RBFOX1: variants seen among roughly 807,000 people sequenced by gnomAD.
RBFOX1 encodes RNA binding protein fox-1 homolog 1.
A neutral mutation model predicts 57.7 loss-of-function variants in RBFOX1; 8 were observed. The ratio of observed to expected loss-of-function variants is 0.14; its 90% CI spans 0.08 to 0.25. The LOEUF is 0.25. RBFOX1 is among the 10% of genes least tolerant of loss of function. The pLI, the probability that RBFOX1 is intolerant of heterozygous loss-of-function variation, is 1.00. For missense variants in RBFOX1, 611 were observed against 548.5 expected (o/e 1.11, Z -1.14); for synonymous variants, 326 against 222.4 (o/e 1.47, Z -4.15).
intron 3 of RBFOX1, among the ~76,000 whole-genome samples, chr16:5,866,729 A>G (rs1411567450): frequency 2.0e-5 from 3 of 152,192 alleles, no homozygotes; most frequent in African/African-American, 7.2e-5. Context: ...ACAAACCCCA[A>G]TATTTTCATT....
chr16:7,182,917 A>G (rs1602121234), intron 4 of RBFOX1, among the ~76,000 whole-genome samples: 1 of 152,186 alleles, frequency 6.6e-6, no homozygotes, highest in Admixed American at 6.5e-5. Flanking sequence ...TGCCCTGGTC[A>G]TAAATTATCT....
In RBFOX1 at chr16:5,790,467, T is replaced by A. The variant is rs114926101; in HGVS notation, c.319-76836T>A. The stretch of plus-strand genomic sequence containing the variant: ...GGAGCTCAAAGGAAGAAAAAATTGC[T>A]GCAATACAACTGTTGATGAAGATGC... On this transcript the variant is annotated intron_variant, in intron 3 of 19. Transcript: ENST00000641259. Among the ~76,000 whole-genome samples the A allele has an allele frequency of 4.3e-3, 644 of 148,712 alleles. 6 individuals carry two copies. Among genetic ancestry groups the A allele is most frequent in the African/African-American group, 0.015 (591 of 39,594 alleles).
At chr16:6,283,849 A>G (rs1362156857) in intron 1 of RBFOX1, among the ~76,000 whole-genome samples, 1 of 152,196 alleles carries the variant, frequency 6.6e-6, no homozygotes, top group East Asian at 1.9e-4. Flanking sequence ...CTGCAATGGC[A>G]CTTTTAATTT....
chr16:6,293,121 G>A (rs1293418071), intron 1 of RBFOX1, among the ~76,000 whole-genome samples: 1 of 152,042 alleles, frequency 6.6e-6, no homozygotes, highest in South Asian at 2.1e-4. Flanking sequence ...TATTCACTAT[G>A]TGCTTTACAT....
At chr16:7,707,597 T>C (rs185172212) in intron 14 of RBFOX1, among the ~76,000 whole-genome samples, 12 of 152,296 alleles carry the variant, frequency 7.9e-5, no homozygotes, top group Non-Finnish European at 1.5e-4. Context: ...TGAATGTTGG[T>C]TGCTAACAGT....
chr16:6,888,943 T>G (rs2064788867), intron 3 of RBFOX1, among the ~76,000 whole-genome samples: 2 of 152,204 alleles, frequency 1.3e-5, no homozygotes, highest in Admixed American at 1.3e-4. Flanking sequence ...CTTTAATCAC[T>G]TACTTACTGT....
chr16:6,159,548 G>T (rs1054660916), intron 1 of RBFOX1, among the ~76,000 whole-genome samples: 1 of 152,198 alleles, frequency 6.6e-6, no homozygotes, highest in Non-Finnish European at 1.5e-5. Flanking sequence ...CACAGGGTCT[G>T]CCCTAAATGG....
At chr16:5,908,587 A>C (rs1284001337) in intron 4 of RBFOX1, among the ~76,000 whole-genome samples, 1 of 152,004 alleles carries the variant, frequency 6.6e-6, no homozygotes, top group Non-Finnish European at 1.5e-5. Context: ...TCCTGACCTC[A>C]AGTGATCCAC....
At chr16:6,786,611 C>T (rs1603623616) in intron 3 of RBFOX1, among the ~76,000 whole-genome samples, 1 of 152,136 alleles carries the variant, frequency 6.6e-6, no homozygotes, top group African/African-American at 2.4e-5. Context: ...TCCCCTGATC[C>T]TTATGAAGGG....
intron 14 of RBFOX1, among the ~76,000 whole-genome samples, chr16:7,706,984 T>G (rs2082666026): frequency 6.6e-6 from 1 of 152,182 alleles, no homozygotes; most frequent in South Asian, 2.1e-4. Flanking sequence ...TAATCGTTGA[T>G]TAAAGGCCAT....
At chr16:6,639,719 A>C (rs993682325) in intron 2 of RBFOX1, among the ~76,000 whole-genome samples, 28 of 152,090 alleles carry the variant, frequency 1.8e-4, no homozygotes, top group South Asian at 2.1e-4. Context: ...TACTAAAAAT[A>C]CAAAACCAAA....
chr16:6,814,547 G>T (rs2089605007), intron 3 of RBFOX1, among the ~76,000 whole-genome samples: 1 of 152,172 alleles, frequency 6.6e-6, no homozygotes, highest in Non-Finnish European at 1.5e-5. Context: ...AGTATGTGCT[G>T]TGAAGGGAAG....
At chr16:6,527,895 G>T (rs1169539983) in intron 2 of RBFOX1, among the ~76,000 whole-genome samples, 2 of 152,078 alleles carry the variant, frequency 1.3e-5, no homozygotes, top group African/African-American at 4.8e-5. Flanking sequence ...ACACCCCTCA[G>T]TCACGATTCC....
chr16:5,566,620 GTATGTATA>G (rs1484227414), intron 2 of RBFOX1, among the ~76,000 whole-genome samples: 1 of 150,288 alleles, frequency 6.7e-6, no homozygotes, highest in African/African-American at 2.5e-5. Context: ...ATATGTATAT[GTATGTATA>G]TATGTGTATA....
At chr16:5,309,990 C>T (rs1313553545) in intron 1 of RBFOX1, among the ~76,000 whole-genome samples, 1 of 152,212 alleles carries the variant, frequency 6.6e-6, no homozygotes, top group African/African-American at 2.4e-5. Context: ...TGTGAACTGA[C>T]AGGGAGCCTG....
chr16:7,691,579 A>G (rs559561263), intron 14 of RBFOX1, among the ~76,000 whole-genome samples: 162 of 152,258 alleles, frequency 1.1e-3, no homozygotes, highest in Non-Finnish European at 1.9e-3. Context: ...ATTCTGAAAC[A>G]ATTTTTAAAA....
intron 6 of RBFOX1, among the ~76,000 whole-genome samples, chr16:7,585,810 C>T (rs957647382): frequency 2.6e-5 from 4 of 152,144 alleles, no homozygotes; most frequent in African/African-American, 4.8e-5. Flanking sequence ...ACCCTCTTGA[C>T]ATTCACTCTC....
chr16:7,463,875 C>G (rs759674526), intron 4 of RBFOX1, among the ~76,000 whole-genome samples: 30 of 152,098 alleles, frequency 2.0e-4, no homozygotes, highest in Admixed American at 1.3e-4. Flanking sequence ...CATTTAATCC[C>G]CATCACAGAA....
chr16:5,433,177 G>A (rs1173825120), intron 1 of RBFOX1, among the ~76,000 whole-genome samples: 1 of 152,176 alleles, frequency 6.6e-6, no homozygotes, highest in African/African-American at 2.4e-5. Context: ...GCCGCTGTGC[G>A]TGGCTGAGGC....
Sources: allele counts gnomAD v4.1 joint callset (sites outside exome capture counted in the v4.1 genomes callset), GRCh38; gene constraint gnomAD v4.1.1; transcripts MANE v1.5; gene names NCBI Gene and HGNC (gene_info 2026-07-23, HGNC 2026-07-21).